Variants in PGM3 observed in about 807,000 individuals in gnomAD.
PGM3 encodes phosphoglucomutase 3, also known as phosphoacetylglucosamine mutase.
In PGM3, 40 loss-of-function variants were observed where a neutral mutation model predicts 66.2. The ratio of observed to expected loss-of-function variants is 0.60; its 90% CI spans 0.47 to 0.79. The LOEUF (loss-of-function observed/expected upper bound fraction) is 0.79, where lower values mean the gene tolerates loss of function less well. PGM3 is among the 30% of genes least tolerant of loss of function. The pLI, the probability that PGM3 is intolerant of heterozygous loss-of-function variation, is 0.00. For synonymous variants in PGM3, 191 were observed against 224.2 expected (o/e 0.85, Z 1.32); for missense variants, 537 against 643.4 (o/e 0.83, Z 1.79).
chr6:83,158,377 C>T (rs1369382684), downstream of PGM3, among the ~76,000 whole-genome samples: 1 of 152,186 alleles, frequency 6.6e-6, no homozygotes. Flanking sequence ...CACTGGATTT[C>T]ACCAAATGAT....
chr6:83,167,158 G>T lies in PGM3; in HGVS notation c.*2076C>A. 1.1e-6 allele frequency: 1 copy of T among 911,554 alleles called. No individual in the cohort carries two copies. Among genetic ancestry groups the T allele is most frequent in the Non-Finnish European group, 1.3e-6 (1 of 762,538 alleles). The allele number at this position is 911,554 out of a possible 1,614,324, so 56.5% of individuals were successfully genotyped here. On this transcript the variant is annotated 3_prime_UTR_variant, in exon 13 of 13. Coordinates refer to ENST00000513973, the MANE Select transcript of PGM3 (RefSeq NM_015599.3). ...ACTTCTCTACTAAAAGGTAGTTTTA[G>T]ACTGTCCCATTTTATAAGTGAGGAA...
At chr6:83,174,940 C>T (rs1362086789) in intron 9 of PGM3, among the ~76,000 whole-genome samples, 3 of 152,104 alleles carry the variant, frequency 2.0e-5, no homozygotes, top group African/African-American at 7.2e-5. Context: ...TCATAGTATT[C>T]ATCAAAATAT....
rs2128468586 is a variant in PGM3 at position 83,168,018 on chromosome 6, G to A, written c.*1216C>T. The A allele has an allele frequency of 1.2e-6, 2 of 1,614,122 alleles. No individual in the cohort carries two copies. The highest frequency in any genetic ancestry group is 2.2e-5 in the East Asian group (1 of 44,860). ...CAGCAAAGTCACAAGCCGATGTGGA[G>A]GACACTCAGGGAGTCCTATCCTCTA... On this transcript the variant is annotated 3_prime_UTR_variant, in exon 13 of 13. Transcript: ENST00000513973.
downstream of PGM3, chr6:83,161,234 T>C (rs753667012): frequency 6.6e-6 from 1 of 152,162 alleles, no homozygotes; most frequent in Non-Finnish European, 1.5e-5. Flanking sequence ...TTTGTCAAGA[T>C]GTTAGTTACT....
At chr6:83,153,884 T>C in the PGM3 span, 1 of 1,595,088 alleles carries the variant, frequency 6.3e-7, no homozygotes, top group Middle Eastern at 1.7e-4. Context: ...GTGGTTTTTC[T>C]TCCTTGTAGT....
At chr6:83,152,184 C>CAT in the PGM3 span, 88 of 727,274 alleles carry the variant, frequency 1.2e-4, no homozygotes, top group African/African-American at 6.4e-4. Context: ...TATACATATA[C>CAT]ATATATATAT....
At chr6:83,179,780 T>C (rs1255631574) in intron 7 of PGM3, 30 bp downstream of exon 7, 5 of 1,570,742 alleles carry the variant, frequency 3.2e-6, no homozygotes. Flanking sequence ...TAAGTCTTGT[T>C]TTAGAGGGTA....
In PGM3 at chr6:83,168,747, A is replaced by AG. The variant is rs1786427230; in HGVS notation, c.*486dup. 3 of 998,640 alleles carry AG rather than the reference A, an allele frequency of 3.0e-6. 1 individual carries two copies. The South Asian group carries it at 1.3e-4, about 44-fold the overall frequency. 61.9% of individuals were successfully genotyped at this position (998,640 alleles called of 1,614,324 possible). A position where few individuals can be genotyped will look rare whatever the true frequency, so the allele number is the denominator to read the frequency against. On this transcript the variant is annotated 3_prime_UTR_variant, in exon 13 of 13. Coordinates refer to ENST00000513973, the MANE Select transcript of PGM3 (RefSeq NM_015599.3). ...ATACCTCTGAGTTCCTGATGGCATT[A>AG]GTCATATAGGTAAGTCATCTAATAA...
At chr6:83,150,470 CAA>C in the PGM3 span, among the ~76,000 whole-genome samples, 1 of 152,074 alleles carries the variant, frequency 6.6e-6, no homozygotes, top group South Asian at 2.1e-4. Context: ...AATGTTAAAA[CAA>C]AAAGTTGAAA....
chr6:83,159,417 G>T (rs1783676947), downstream of PGM3, among the ~76,000 whole-genome samples: 1 of 151,586 alleles, frequency 6.6e-6, no homozygotes, highest in African/African-American at 2.4e-5. Context: ...GAGACCACAG[G>T]TGTGTGCCAC....
At chr6:83,187,124 G>A (rs1363277579) in intron 3 of PGM3, 49 bp from the exon 4 acceptor site, 3 of 1,241,338 alleles carry the variant, frequency 2.4e-6, no homozygotes, top group Non-Finnish European at 3.5e-6. Context: ...GAAACTGGCA[G>A]GGTTGCTGGT....
the PGM3 span, chr6:83,152,045 T>A: frequency 1.2e-6 from 2 of 1,613,554 alleles, no homozygotes; most frequent in Non-Finnish European, 1.7e-6. Flanking sequence ...TGTCAAACAT[T>A]TAGGTTTATT....
rs114326077 is a variant in PGM3, at chr6:83,174,543, A to C, written c.1129-56T>G. On this transcript the variant is annotated intron_variant, in intron 9 of 12. Transcript: ENST00000513973. ...AAACACTATCCAAAACCTAGTCATA[A>C]GTACTATTATTCTAGCTAACCCACT... 2.7e-3 allele frequency: 2,402 copies of C among 900,128 alleles called. 53 individuals are homozygous for C. In the African/African-American group the frequency reaches 0.036, roughly 13 times the overall value. The allele number at this position is 900,128 out of a possible 1,614,324, so 55.8% of individuals were successfully genotyped here. A position where few individuals can be genotyped will look rare whatever the true frequency, so the allele number is the denominator to read the frequency against.
At chr6:83,171,472 A>C (rs959130727) in intron 11 of PGM3, 1 of 152,190 alleles carries the variant, frequency 6.6e-6, no homozygotes, top group Admixed American at 6.5e-5. Flanking sequence ...CTGTAAGAGA[A>C]TACAATTAGG....
At chr6:83,184,706 C>T (rs1159443584) in intron 4 of PGM3, among the ~76,000 whole-genome samples, 6 of 152,316 alleles carry the variant, frequency 3.9e-5, no homozygotes, top group South Asian at 2.1e-4. Context: ...TTTTCAAGAG[C>T]GGCCTAGCTG....
At chr6:83,189,857 CATT>C (rs1788909957) in intron 2 of PGM3, among the ~76,000 whole-genome samples, 1 of 152,172 alleles carries the variant, frequency 6.6e-6, no homozygotes, top group African/African-American at 2.4e-5. Context: ...ATCTGGAAGA[CATT>C]ATGCGAAGTT....
At chr6:83,161,556 G>T (rs781135922), downstream of PGM3, among the ~76,000 whole-genome samples, 2 of 152,128 alleles carry the variant, frequency 1.3e-5, no homozygotes, top group Non-Finnish European at 2.9e-5. Context: ...GTAGAAAAAT[G>T]AGCCAATGAG....
intron 12 of PGM3, 131 bp from the exon 13 acceptor site, chr6:83,169,454 T>G: frequency 9.3e-7 from 1 of 1,078,922 alleles, no homozygotes; most frequent in Non-Finnish European, 1.3e-6. Context: ...CAAATTCTAA[T>G]GAAAACCTTT....
the PGM3 span, chr6:83,152,169 A>G: frequency 4.7e-6 from 4 of 846,578 alleles, no homozygotes. Context: ...TGGGAAAAAT[A>G]TATATATACA....
Sources: gnomAD v4.1 joint callset for allele counts (sites outside exome capture counted in the v4.1 genomes callset) on GRCh38, gnomAD v4.1.1 for gene constraint, MANE v1.5 for transcripts, NCBI Gene and HGNC (gene_info 2026-07-23, HGNC 2026-07-21) for gene names.